The following CAD variants were observed in gnomAD, a reference collection of about 807,000 sequenced individuals.
CAD encodes the protein carbamoyl-phosphate synthetase 2, aspartate transcarbamylase, and dihydroorotase, also known as multifunctional protein CAD.
Under a neutral mutation model 237.2 loss-of-function variants are expected in CAD, and 81 were observed. The observed-to-expected ratio is 0.34, with a 90% CI of 0.29 to 0.41. The LOEUF is 0.41. Ranked by LOEUF, CAD falls within the 10% of genes least tolerant of loss-of-function variation. The pLI is 1.00. For missense variants in CAD, 2,181 were observed against 2,951.7 expected (o/e 0.74, Z 6.05); for synonymous variants, 1,196 against 1,162.8 (o/e 1.03, Z -0.58).
Position 27,222,251 on chromosome 2 carries a change from A to G in CAD, c.410A>G (p.Lys137Arg). The change falls in exon 4 of 44, where the codon AAG becomes AGG. Residue 137 changes from lysine (K) to arginine (R), a missense_variant. This residue lies in a region of CAD where 314 missense variants were observed against 339.4 expected (regional missense o/e 0.93). Transcript: ENST00000264705. ...CGGGAACAGGGGTCTCTGCTGGGGA[A>G]GCTGGTCCAGAATGGAACAGAACCT... ...KLREQGSLLG[K>R]LVQNGTEPSS... is the part of the protein sequence containing the mutation. 1.2e-6 allele frequency: 2 copies of G among 1,614,054 alleles called. No individual in the cohort carries two copies. Among genetic ancestry groups the G allele is most frequent in the Non-Finnish European group, 1.7e-6 (2 of 1,179,994 alleles).
chr2:27,242,151 G>A lies in CAD; in HGVS notation c.6096+28G>A, dbSNP rs756673821. 1.2e-6 allele frequency: 2 copies of A among 1,607,500 alleles called. No homozygotes were observed. Among genetic ancestry groups the A allele is most frequent in the South Asian group, 1.1e-5 (1 of 90,912 alleles). On this transcript the variant is annotated intron_variant, in intron 39 of 43. Transcript: ENST00000264705. The surrounding 1 kb of genome is among the most constrained non-coding windows in gnomAD (Gnocchi z 6.4). Reference sequence around the variant, plus strand: ...GAGGCCAGCCTGGGTACTGAGATGGGGTTAAGAAGGCTGGACCCAGGGGCA... The same window carrying A: ...GAGGCCAGCCTGGGTACTGAGATGGAGTTAAGAAGGCTGGACCCAGGGGCA...
Position 27,242,717 on chromosome 2 carries a change from C to G in CAD, c.6320C>G (p.Pro2107Arg), listed in dbSNP as rs765744772. 13 of 1,614,182 alleles carry G rather than the reference C, an allele frequency of 8.1e-6. No individual in the cohort carries two copies. The highest frequency in any genetic ancestry group is 1.0e-5 in the Non-Finnish European group (12 of 1,180,030). ...YRVSLRYVAP[P>R]SLRMPPTVRA... Reference sequence around the variant, plus strand: ...GTCAGCCTGCGCTACGTGGCACCTCCCAGCCTGCGCATGCCACCCACTGTG... The same window carrying G: ...GTCAGCCTGCGCTACGTGGCACCTCGCAGCCTGCGCATGCCACCCACTGTG... The change falls in exon 41 of 44, where the codon CCC (proline) becomes CGC (arginine). Residue 2107 changes from proline (P) to arginine (R), a missense_variant. Pro to Arg is a moderately radical substitution (Grantham distance 103). This residue lies in a region of CAD where 170 missense variants were observed against 212.1 expected (regional missense o/e 0.80). Coordinates refer to ENST00000264705, the MANE Select transcript of CAD (RefSeq NM_004341.5). This position sits in a 1 kb window ranked among gnomAD's most constrained non-coding sequence, Gnocchi z 6.4.
In CAD at chr2:27,242,767, A is replaced by G; in HGVS notation, c.6370A>G (p.Thr2124Ala). 1.9e-6 allele frequency: 3 copies of G among 1,614,138 alleles called. No homozygotes were observed. The highest frequency in any genetic ancestry group is 2.5e-6 in the Non-Finnish European group (3 of 1,180,008). The change falls in exon 41 of 44, where the codon ACC (threonine) becomes GCC (alanine). Residue 2124 changes from threonine to alanine, a missense_variant. By Grantham distance (58) the Thr-to-Ala change is moderately conservative. Transcript: ENST00000264705. The surrounding 1 kb of genome is among the most constrained non-coding windows in gnomAD (Gnocchi z 6.4). Reference sequence around the variant, plus strand: ...GCGGGCCTTCGTGGCCTCCCGCGGCACCAAGCAGGTGAGACCCTCACAGCC... The same window carrying G: ...GCGGGCCTTCGTGGCCTCCCGCGGCGCCAAGCAGGTGAGACCCTCACAGCC... Reference protein sequence around the residue: ...TVRAFVASRGTKQEEFESIEE... With the variant: ...TVRAFVASRGAKQEEFESIEE...
In CAD at chr2:27,217,480, C is replaced by T; in HGVS notation, c.-72C>T. The T allele has an allele frequency of 1.5e-6, 2 of 1,322,948 alleles. No homozygotes were observed. The highest frequency in any genetic ancestry group is 2.5e-5 in the East Asian group (1 of 40,040). The allele number at this position is 1,322,948 out of a possible 1,614,324, so 82.0% of individuals were successfully genotyped here. ...TGGACCGACTCCGGCGCGCCGTCCT[C>T]ACGTGGTTCCAGTGGAGTTTGCAGT... On this transcript the variant is annotated 5_prime_UTR_variant, in exon 1 of 44. Transcript: ENST00000264705.
chr2:27,231,096 C>T (rs796216331), intron 15 of CAD, among the ~76,000 whole-genome samples: 20 of 152,354 alleles, frequency 1.3e-4, no homozygotes, highest in African/African-American at 4.6e-4. Flanking sequence ...AGCTCCACCT[C>T]CCGGGTTCAC....
In CAD at chr2:27,240,778, C is replaced by T. The variant is rs763184800; in HGVS notation, c.5594-133C>T. On this transcript the variant is annotated intron_variant, in intron 35 of 43. Transcript: ENST00000264705. This position sits in a 1 kb window ranked among gnomAD's most constrained non-coding sequence, Gnocchi z 4.6. ...CAGAGCTGCTGCAGTCCCCTGCCCTCCCCTAACCTGCTATATTACTGTGTT... is the reference window on the plus strand; with the variant it reads ...CAGAGCTGCTGCAGTCCCCTGCCCTTCCCTAACCTGCTATATTACTGTGTT... 2.2e-5 allele frequency: 26 copies of T among 1,191,144 alleles called. No homozygotes were observed. Among genetic ancestry groups the T allele is most frequent in the Non-Finnish European group, 2.9e-5 (24 of 827,102 alleles). 73.8% of individuals were successfully genotyped at this position (1,191,144 alleles called of 1,614,324 possible). A position where few individuals can be genotyped will look rare whatever the true frequency, so the allele number is the denominator to read the frequency against.
chr2:27,243,342 G>C (rs1676421816), intron 43 of CAD, 50 bp downstream of exon 43: 1 of 1,606,806 alleles, frequency 6.2e-7, no homozygotes, highest in African/African-American at 1.3e-5. Flanking sequence ...TGGACGGGAG[G>C]AGACTTAGTC....
At chr2:27,223,875 C>G in intron 7 of CAD, 42 bp from the exon 8 acceptor site, 1 of 1,552,732 alleles carries the variant, frequency 6.4e-7, no homozygotes, top group Admixed American at 1.7e-5. Flanking sequence ...CAGTGTCATG[C>G]CAGGGACCAT....
Position 27,240,532 on chromosome 2 carries a change from A to G in CAD, c.5593+171A>G. The G allele has an allele frequency of 1.3e-6, 2 of 1,547,856 alleles. No homozygotes were observed. The highest frequency in any genetic ancestry group is 2.0e-5 in the Admixed American group (1 of 50,962). On this transcript the variant is annotated intron_variant, in intron 35 of 43. Transcript: ENST00000264705. The surrounding 1 kb of genome is among the most constrained non-coding windows in gnomAD (Gnocchi z 4.6). ...TCTCCCCGGTGTGAGTAGACATCTCACAGCTTCTCACATGCCCTTTTTTGT... is the reference window on the plus strand; with the variant it reads ...TCTCCCCGGTGTGAGTAGACATCTCGCAGCTTCTCACATGCCCTTTTTTGT...
chr2:27,237,658 C>T lies in CAD; in HGVS notation c.4564-60C>T. 6.3e-7 allele frequency: 1 copy of T among 1,576,456 alleles called. No individual in the cohort carries two copies. Among genetic ancestry groups the T allele is most frequent in the African/African-American group, 1.3e-5 (1 of 74,218 alleles). Reference sequence around the variant, plus strand: ...GCCCTATGGGCCCAGGCCACTGGTGCCAGGCTAGCCTGTGTGGGCATGGGT... The same window carrying T: ...GCCCTATGGGCCCAGGCCACTGGTGTCAGGCTAGCCTGTGTGGGCATGGGT... On this transcript the variant is annotated intron_variant, in intron 28 of 43. Coordinates refer to ENST00000264705, the MANE Select transcript of CAD (RefSeq NM_004341.5). The surrounding 1 kb of genome is among the most constrained non-coding windows in gnomAD (Gnocchi z 4.0).
In CAD at chr2:27,225,147, C is replaced by T; in HGVS notation, c.1524C>T (p.Thr508=). The part of the protein sequence containing the change: ...GVRVLGTPVE[T]IELTEDRRAF... ...GGGTCCTGGGCACACCAGTGGAGAC[C>T]ATTGAGCTGACCGAGGATCGACGGG... The change falls in exon 11 of 44, where the codon ACC becomes ACT. Residue 508 remains threonine (T), a synonymous_variant. Transcript: ENST00000264705. 1.2e-6 allele frequency: 2 copies of T among 1,614,140 alleles called. No homozygotes were observed. The highest frequency in any genetic ancestry group is 1.7e-6 in the Non-Finnish European group (2 of 1,180,020).
At chr2:27,221,422 C>T in intron 3 of CAD, 75 bp downstream of exon 3, 1 of 1,268,578 alleles carries the variant, frequency 7.9e-7, no homozygotes, top group Non-Finnish European at 1.0e-6. Context: ...TTTCTGTAAT[C>T]TGCTGGGACC....
Position 27,240,493 on chromosome 2 carries a change from T to G in CAD, c.5593+132T>G, listed in dbSNP as rs1162673917. ...CCTCGTCTGATCTGCCGTGCCATCC[T>G]TTGCCTAAACAAGTCTCCCCGGTGT... On this transcript the variant is annotated intron_variant, in intron 35 of 43. Transcript: ENST00000264705. This position sits in a 1 kb window ranked among gnomAD's most constrained non-coding sequence, Gnocchi z 4.6. 1 of 1,511,556 alleles carries G rather than the reference T, an allele frequency of 6.6e-7. No homozygotes were observed. Among genetic ancestry groups the G allele is most frequent in the African/African-American group, 1.4e-5 (1 of 72,246 alleles). 93.6% of individuals were successfully genotyped at this position (1,511,556 alleles called of 1,614,324 possible).
In CAD at chr2:27,242,492, G is replaced by C; in HGVS notation, c.6222+65G>C. The C allele has an allele frequency of 6.3e-7, 1 of 1,588,518 alleles. No homozygotes were observed. The highest frequency in any genetic ancestry group is 8.6e-7 in the Non-Finnish European group (1 of 1,164,106). On this transcript the variant is annotated intron_variant, in intron 40 of 43. Transcript: ENST00000264705. This position sits in a 1 kb window ranked among gnomAD's most constrained non-coding sequence, Gnocchi z 6.4. Reference sequence around the variant, plus strand: ...GATCTAGAGAGGGAGGCAGGAAGTGGTTACCCCGGTACAGGACAGCTGCAT... The same window carrying C: ...GATCTAGAGAGGGAGGCAGGAAGTGCTTACCCCGGTACAGGACAGCTGCAT...
chr2:27,241,503 C>T lies in CAD; in HGVS notation c.5883+107C>T, dbSNP rs1676315540. The T allele has an allele frequency of 4.8e-6, 5 of 1,040,562 alleles. No individual in the cohort carries two copies. Among genetic ancestry groups the T allele is most frequent in the East Asian group, 2.4e-5 (1 of 42,230 alleles). 64.5% of individuals were successfully genotyped at this position (1,040,562 alleles called of 1,614,324 possible). On this transcript the variant is annotated intron_variant, in intron 38 of 43. Transcript: ENST00000264705. This position sits in a 1 kb window ranked among gnomAD's most constrained non-coding sequence, Gnocchi z 4.6. ...GTGGGTCTTCCTCCCCCTGCCATCCCGTCCCCTTATGCTAGTCCATCCCTC... is the reference window on the plus strand; with the variant it reads ...GTGGGTCTTCCTCCCCCTGCCATCCTGTCCCCTTATGCTAGTCCATCCCTC...
In CAD at chr2:27,235,209, C is replaced by T. The variant is rs13394037; in HGVS notation, c.3787-36C>T. 1.2e-3 allele frequency: 1,853 copies of T among 1,555,960 alleles called. 16 individuals are homozygous for T. The African/African-American group carries it at 0.022, about 19-fold the overall frequency. On this transcript the variant is annotated intron_variant, in intron 23 of 43. Coordinates refer to ENST00000264705, the MANE Select transcript of CAD (RefSeq NM_004341.5). This position sits in a 1 kb window ranked among gnomAD's most constrained non-coding sequence, Gnocchi z 5.2. ...GCTGGTGAGGGAGGAGGTCCTCTCA[C>T]ACCTTGGCCCTCTCTCTTCCCTCCC...
chr2:27,237,997 C>A lies in CAD; in HGVS notation c.4729-59C>A. 6.3e-7 allele frequency: 1 copy of A among 1,598,888 alleles called. No individual in the cohort carries two copies. Among genetic ancestry groups the A allele is most frequent in the Non-Finnish European group, 8.5e-7 (1 of 1,170,154 alleles). On this transcript the variant is annotated intron_variant, in intron 29 of 43. Transcript: ENST00000264705. This position sits in a 1 kb window ranked among gnomAD's most constrained non-coding sequence, Gnocchi z 4.0. ...CAGGGGAGCTCCTGGGGACTCTGGG[C>A]TCTGATGAGCACAGTCAGAGATTCT...
chr2:27,223,558 T>C lies in CAD; in HGVS notation c.810-5T>C. 6.2e-7 allele frequency: 1 copy of C among 1,611,866 alleles called. No individual in the cohort carries two copies. The highest frequency in any genetic ancestry group is 8.5e-7 in the Non-Finnish European group (1 of 1,179,666). On this transcript the variant is annotated splice_region_variant and splice_polypyrimidine_tract_variant and intron_variant, in intron 6 of 43. Coordinates refer to ENST00000264705, the MANE Select transcript of CAD (RefSeq NM_004341.5). ...GCCTGTGACTCGGCATGCTTCTACC[T>C]CCAGATATGGGAACCGAGGCCATAA...
chr2:27,238,064 G>T lies in CAD; in HGVS notation c.4737G>T (p.Glu1579Asp). 1 of 1,614,158 alleles carries T rather than the reference G, an allele frequency of 6.2e-7. No homozygotes were observed. Among genetic ancestry groups the T allele is most frequent in the Non-Finnish European group, 8.5e-7 (1 of 1,180,026 alleles). ...DSVVQWMEHF[E>D]TWPSHLPIVA... is the part of the protein sequence containing the mutation. The stretch of plus-strand genomic sequence containing the variant: ...GTTCTTTCTGCTCCCAGCATTTCGA[G>T]ACATGGCCCTCCCACCTCCCCATTG... The change falls in exon 30 of 44, where the codon GAG becomes GAT. Residue 1579 changes from glutamate (E) to aspartate (D), a missense_variant. This residue lies in a region of CAD where 478 missense variants were observed against 515.0 expected (regional missense o/e 0.93). Transcript: ENST00000264705.
Sources: allele counts gnomAD v4.1 joint callset (sites outside exome capture counted in the v4.1 genomes callset), GRCh38; gene constraint gnomAD v4.1.1; regional missense constraint gnomAD v4.1.1; non-coding constraint Gnocchi (gnomAD v3.1); transcripts MANE v1.5; gene names NCBI Gene and HGNC (gene_info 2026-07-23, HGNC 2026-07-21).